Variants in STIM1 observed in about 807,000 individuals in gnomAD.
STIM1 encodes the protein stromal interaction molecule 1.
STIM1 carries 25 observed loss-of-function variants against 74.7 expected under a neutral mutation model. That is an observed-to-expected ratio of 0.33 (90% CI 0.24 to 0.47). The LOEUF is 0.47. STIM1 is among the 20% of genes least tolerant of loss of function. STIM1 has a pLI of 1.00. For missense variants in STIM1, 728 were observed against 920.8 expected (o/e 0.79, Z 2.71); for synonymous variants, 328 against 348.8 (o/e 0.94, Z 0.66).
chr11:4,008,923 T>A (rs970089810), intron 2 of STIM1, among the ~76,000 whole-genome samples: 1 of 152,196 alleles, frequency 6.6e-6, no homozygotes, highest in African/African-American at 2.4e-5. Flanking sequence ...CTGCTGTATA[T>A]ATTTATTCTT....
chr11:4,033,484 T>G (rs1449639267), intron 3 of STIM1, among the ~76,000 whole-genome samples: 1 of 152,222 alleles, frequency 6.6e-6, no homozygotes. Flanking sequence ...CAGTTTTACT[T>G]CATTTCCAAT....
At chr11:3,950,994 C>G (rs1425047339) in intron 1 of STIM1, among the ~76,000 whole-genome samples, 3 of 152,124 alleles carry the variant, frequency 2.0e-5, no homozygotes, top group East Asian at 3.8e-4. Context: ...GAAACTAGAA[C>G]AGAGACAGGG....
chr11:3,907,510 C>A (rs2092484626), intron 1 of STIM1, among the ~76,000 whole-genome samples: 1 of 152,178 alleles, frequency 6.6e-6, no homozygotes, highest in Non-Finnish European at 1.5e-5. Flanking sequence ...CTGCACCTAC[C>A]ACCCTGATCC....
At chr11:3,993,144 T>A (rs190458504) in intron 2 of STIM1, among the ~76,000 whole-genome samples, 15 of 152,162 alleles carry the variant, frequency 9.9e-5, no homozygotes, top group African/African-American at 3.6e-4. Flanking sequence ...AAAGCCACAG[T>A]CTCCACAAAA....
chr11:4,083,193 A>G, intron 9 of STIM1, 70 bp from the exon 10 acceptor site: 1 of 1,501,552 alleles, frequency 6.7e-7, no homozygotes, highest in Non-Finnish European at 9.3e-7. Flanking sequence ...TGTTCCTCTG[A>G]GAAGAGGCTT....
intron 3 of STIM1, among the ~76,000 whole-genome samples, chr11:4,029,848 T>C (rs548231522): frequency 3.3e-5 from 5 of 152,294 alleles, no homozygotes; most frequent in Non-Finnish European, 5.9e-5. Flanking sequence ...TGGTCTTTAT[T>C]TGTAAGTTTG....
At chr11:3,989,543 C>T (rs1408747228) in intron 2 of STIM1, 3 of 563,952 alleles carry the variant, frequency 5.3e-6, no homozygotes, top group Non-Finnish European at 6.7e-6. Flanking sequence ...GCTGCCTGGT[C>T]GCTGCCGCTC....
intron 1 of STIM1, 124 bp from the exon 2 acceptor site, chr11:3,967,428 C>G (rs1335271546): frequency 7.0e-7 from 1 of 1,436,084 alleles, no homozygotes; most frequent in Non-Finnish European, 9.8e-7. Flanking sequence ...TGTCACTGTA[C>G]AAGTAGCCAG....
chr11:3,923,030 C>T (rs1230730987), intron 1 of STIM1, among the ~76,000 whole-genome samples: 1 of 149,020 alleles, frequency 6.7e-6, no homozygotes, highest in Non-Finnish European at 1.5e-5. Context: ...ACCCGGGAGG[C>T]GGAGCTTGCA....
chr11:3,887,750 C>T (rs1177590369), intron 1 of STIM1, among the ~76,000 whole-genome samples: 4 of 151,974 alleles, frequency 2.6e-5, no homozygotes, highest in African/African-American at 7.2e-5. Flanking sequence ...GGGCGGATCA[C>T]GAGGTCAGGA....
At chr11:3,957,755 G>A (rs867280657) in intron 1 of STIM1, among the ~76,000 whole-genome samples, 10 of 152,008 alleles carry the variant, frequency 6.6e-5, no homozygotes, top group African/African-American at 2.4e-4. Context: ...TTGTAGAGAT[G>A]AGATCTCACT....
chr11:3,982,540 A>G (rs756910163), intron 2 of STIM1, among the ~76,000 whole-genome samples: 2 of 152,142 alleles, frequency 1.3e-5, no homozygotes, highest in Non-Finnish European at 2.9e-5. Context: ...GTACTCTTGC[A>G]TATGCTGTCT....
In STIM1 at chr11:4,023,986, A is replaced by G; in HGVS notation, c.384A>G (p.Glu128=). ...TGTGGAAGGCATGGAAGTCATCAGA[A>G]GGTAATAGGCAGCCTGGTCATCAAT... ...EDLWKAWKSS[E]VYNWTVDEVV... Residue 128 remains glutamate, a splice_region_variant and synonymous_variant, in exon 3 of 13, where the codon GAA becomes GAG. Transcript: ENST00000526596. 1 of 1,612,908 alleles carries G rather than the reference A, an allele frequency of 6.2e-7. No individual in the cohort carries two copies. The highest frequency in any genetic ancestry group is 8.5e-7 in the Non-Finnish European group (1 of 1,178,910).
chr11:3,937,995 G>A (rs2092956312), intron 1 of STIM1, among the ~76,000 whole-genome samples: 1 of 151,638 alleles, frequency 6.6e-6, no homozygotes, highest in South Asian at 2.1e-4. Context: ...ATGTAGTGGG[G>A]CGATCTTGGC....
At position 4,033,232 on chromosome 11, in the gene STIM1, C is replaced by T. The variant is rs796271033; in HGVS notation, c.385+9245C>T. On this transcript the variant is annotated intron_variant, in intron 3 of 12. Transcript: ENST00000526596. ...ATTGATCTATATCTCTGTTTTGGTACCAGTACCATGCTATTTTGGTTACTG... is the reference window on the plus strand; with the variant it reads ...ATTGATCTATATCTCTGTTTTGGTATCAGTACCATGCTATTTTGGTTACTG... 7.2e-5 allele frequency among the ~76,000 whole-genome samples: 11 copies of T among 152,202 alleles called. No individual in the cohort carries two copies. The South Asian group carries it at 1.5e-3, about 20-fold the overall frequency.
intron 1 of STIM1, among the ~76,000 whole-genome samples, chr11:3,861,414 T>C (rs575161523): frequency 6.6e-6 from 1 of 152,142 alleles, no homozygotes; most frequent in South Asian, 2.1e-4. Context: ...TTTTGTATTT[T>C]TAGTAGAGAC....
At chr11:3,957,316 G>T (rs937287092) in intron 1 of STIM1, among the ~76,000 whole-genome samples, 2 of 151,348 alleles carry the variant, frequency 1.3e-5, no homozygotes, top group Non-Finnish European at 2.9e-5. Context: ...GAGTGCAGTG[G>T]TGTGGTCTTG....
intron 2 of STIM1, among the ~76,000 whole-genome samples, chr11:3,974,764 G>A (rs1295162908): frequency 1.3e-5 from 2 of 152,060 alleles, no homozygotes; most frequent in Non-Finnish European, 1.5e-5. Flanking sequence ...CAGGCTGGCA[G>A]TATGAGAATT....
intron 2 of STIM1, chr11:4,019,076 C>A: frequency 5.4e-6 from 1 of 184,046 alleles, no homozygotes; most frequent in South Asian, 1.3e-4. Context: ...TCCAGTGTTG[C>A]CATCAGTACG....
Sources: allele counts gnomAD v4.1 joint callset (sites outside exome capture counted in the v4.1 genomes callset), GRCh38; gene constraint gnomAD v4.1.1; transcripts MANE v1.5; gene names NCBI Gene and HGNC (gene_info 2026-07-23, HGNC 2026-07-21).